Variants in MMEL1 observed in about 807,000 individuals in gnomAD.
MMEL1 encodes the protein membrane metallo-endopeptidase-like 1.
Under a neutral mutation model 117.1 loss-of-function variants are expected in MMEL1, and 98 were observed. The observed-to-expected ratio is 0.84, with a 90% CI of 0.71 to 0.99. The LOEUF (loss-of-function observed/expected upper bound fraction) is 0.99. Among genes scored for constraint, MMEL1 ranks in the 50% least tolerant of loss-of-function variants. The pLI is 0.00. For missense variants in MMEL1, 1,014 were observed against 1,049.1 expected (o/e 0.97, Z 0.46); for synonymous variants, 390 against 415.1 (o/e 0.94, Z 0.74).
chr1:2,629,701 C>T, intron 1 of MMEL1, 180 bp from the exon 2 acceptor site: 3 of 536,710 alleles, frequency 5.6e-6, no homozygotes, highest in Non-Finnish European at 9.5e-6. Context: ...TCCACACTAC[C>T]CCTGGGCCGG....
Position 2,592,917 on chromosome 1 carries a change from G to A in MMEL1, c.1917C>T (p.Phe639=). The A allele has an allele frequency of 1.2e-6, 2 of 1,613,794 alleles. No homozygotes were observed. The highest frequency in any genetic ancestry group is 1.7e-6 in the Non-Finnish European group (2 of 1,179,956). The change falls in exon 20 of 24, where the codon TTC becomes TTT. Residue 639 remains phenylalanine, a synonymous_variant. Coordinates refer to ENST00000378412, the MANE Select transcript of MMEL1 (RefSeq NM_033467.4). The part of the protein sequence containing the change: ...NGNMMDWWSN[F]STQHFREQSE... ...ACTGCTCCCGGAAGTGCTGGGTGGA[G>A]AAGTTACTCCACCAATCCATCATGT...
At chr1:2,606,628 C>T (rs1398091809) in intron 7 of MMEL1, among the ~76,000 whole-genome samples, 1 of 152,172 alleles carries the variant, frequency 6.6e-6, no homozygotes, top group Admixed American at 6.5e-5. Flanking sequence ...GCCACTCCTG[C>T]CCCCGGGGGA....
In MMEL1 at chr1:2,629,826, C is replaced by A. The variant is rs547885651; in HGVS notation, c.-37-305G>T. On this transcript the variant is annotated intron_variant, in intron 1 of 23. Transcript: ENST00000378412. Reference sequence around the variant, plus strand: ...AAGGGACTCCTGTAGTGGAGCCCCCCCCCTGGGCTGCTCATGCTGGTTGTC... The same window carrying A: ...AAGGGACTCCTGTAGTGGAGCCCCCACCCTGGGCTGCTCATGCTGGTTGTC... The A allele has an allele frequency of 6.5e-4, 145 of 224,308 alleles. No individual in the cohort carries two copies. In the South Asian group the frequency reaches 8.4e-3, roughly 13 times the overall value. 13.9% of individuals were successfully genotyped at this position (224,308 alleles called of 1,614,324 possible).
At chr1:2,604,742 T>A (rs1205447743) in intron 9 of MMEL1, among the ~76,000 whole-genome samples, 1 of 152,128 alleles carries the variant, frequency 6.6e-6, no homozygotes, top group Non-Finnish European at 1.5e-5. Flanking sequence ...AGTTTGCTCC[T>A]CAGGGAGCTG....
intron 21 of MMEL1, among the ~76,000 whole-genome samples, 190 bp from the exon 22 acceptor site, chr1:2,592,217 C>T (rs916490464): frequency 1.2e-5 from 1 of 81,934 alleles, no homozygotes; most frequent in East Asian, 3.1e-4. Context: ...CTGAGCTGGG[C>T]CCTCGGGGGG....
chr1:2,627,864 G>A (rs1638345087), intron 2 of MMEL1, among the ~76,000 whole-genome samples: 2 of 152,200 alleles, frequency 1.3e-5, no homozygotes, highest in South Asian at 4.1e-4. Context: ...CGCCCTGGAG[G>A]GAGGGGGTCC....
At chr1:2,594,682 C>T in intron 17 of MMEL1, 108 bp downstream of exon 17, 1 of 1,032,188 alleles carries the variant, frequency 9.7e-7, no homozygotes, top group Non-Finnish European at 1.5e-6. Context: ...TCAGCTGGCA[C>T]TGGACCCCAG....
At chr1:2,621,148 G>T (rs1645283536) in intron 2 of MMEL1, among the ~76,000 whole-genome samples, 1 of 152,214 alleles carries the variant, frequency 6.6e-6, no homozygotes, top group Admixed American at 6.5e-5. Flanking sequence ...AGCCAGGTGT[G>T]GTGGCATGTG....
At position 2,605,624 on chromosome 1, in the gene MMEL1, C is replaced by A. The variant is rs745770007; in HGVS notation, c.751-1G>T. The A allele has an allele frequency of 1.2e-6, 2 of 1,612,304 alleles. No individual in the cohort carries two copies. The highest frequency in any genetic ancestry group is 3.3e-5 in the Admixed American group (2 of 59,958). On this transcript the variant is annotated splice_acceptor_variant, in intron 8 of 23. Transcript: ENST00000378412. LOFTEE classifies it high-confidence loss of function. ...GCATGCCCAAGGTGGGCTGGTCTAT[C>A]TGGAAATACAGAAGGTGTGACCCTG...
At chr1:2,598,071 G>C in intron 13 of MMEL1, 136 bp downstream of exon 13, 1 of 759,718 alleles carries the variant, frequency 1.3e-6, no homozygotes, top group African/African-American at 1.7e-5. Context: ...CTCCCCACTG[G>C]GGTGGGCGCC....
Position 2,612,247 on chromosome 1 carries a change from G to C in MMEL1, c.155-43C>G. The stretch of plus-strand genomic sequence containing the variant: ...GCTCAGCTGCGGCCTCCTGCCTGCA[G>C]CTCCCTGGGGGTGCTGGGGGCCTCC... On this transcript the variant is annotated intron_variant, in intron 2 of 23. Transcript: ENST00000378412. This position sits in a 1 kb window ranked among gnomAD's most constrained non-coding sequence, Gnocchi z 5.4. The C allele has an allele frequency of 6.5e-7, 1 of 1,529,228 alleles. No individual in the cohort carries two copies. The highest frequency in any genetic ancestry group is 1.2e-5 in the South Asian group (1 of 83,796). The allele number at this position is 1,529,228 out of a possible 1,614,324, so 94.7% of individuals were successfully genotyped here.
chr1:2,607,391 C>T (rs1055631912), intron 6 of MMEL1, among the ~76,000 whole-genome samples: 1 of 150,550 alleles, frequency 6.6e-6, no homozygotes, highest in Non-Finnish European at 1.5e-5. Context: ...GGGAGCCGGC[C>T]AGCAGGCGAG....
rs1638660054 is a variant in MMEL1 at position 2,632,975 on chromosome 1, G to T, written c.-147C>A. The T allele has an allele frequency of 2.0e-6, 2 of 985,810 alleles. No individual in the cohort carries two copies. Among genetic ancestry groups the T allele is most frequent in the East Asian group, 1.1e-4 (1 of 8,916 alleles). The allele number at this position is 985,810 out of a possible 1,614,324, so 61.1% of individuals were successfully genotyped here. Reference sequence around the variant, plus strand: ...CCAAGTGGGTGGATTTCCAGGGACTGGGATGGGAGAGCAGTGGCTTGGGGC... The same window carrying T: ...CCAAGTGGGTGGATTTCCAGGGACTTGGATGGGAGAGCAGTGGCTTGGGGC... On this transcript the variant is annotated 5_prime_UTR_variant, in exon 1 of 24. Transcript: ENST00000378412.
In MMEL1 at chr1:2,604,224, C is replaced by T; in HGVS notation, c.874G>A (p.Ala292Thr). ...VSVATLLRED[A>T]NLPRDSCLVQ... ...AGGCAGCTGTCCCTGGGCAGGTTTG[C>T]ATCCTCCCGCAGCAACGTGGCCACT... Residue 292 changes from alanine to threonine, a missense_variant, in exon 10 of 24, where the codon GCA (alanine) becomes ACA (threonine). Coordinates refer to ENST00000378412, the MANE Select transcript of MMEL1 (RefSeq NM_033467.4). The T allele has an allele frequency of 1.9e-6, 3 of 1,611,242 alleles. No homozygotes were observed. The highest frequency in any genetic ancestry group is 2.5e-6 in the Non-Finnish European group (3 of 1,179,164).
At chr1:2,591,730 G>A (rs1381422334) in intron 22 of MMEL1, 97 bp from the exon 23 acceptor site, 9 of 1,159,936 alleles carry the variant, frequency 7.8e-6, no homozygotes, top group South Asian at 1.2e-5. Context: ...CCCCTTCTAG[G>A]GTGGGGTGAG....
intron 9 of MMEL1, among the ~76,000 whole-genome samples, chr1:2,604,575 G>C (rs191450315): frequency 6.6e-6 from 1 of 152,254 alleles, no homozygotes; most frequent in Non-Finnish European, 1.5e-5. Context: ...CAGTGCTGGG[G>C]TTGGGGTGCT....
At chr1:2,623,606 G>A (rs1005246286) in intron 2 of MMEL1, among the ~76,000 whole-genome samples, 1 of 152,184 alleles carries the variant, frequency 6.6e-6, no homozygotes, top group Non-Finnish European at 1.5e-5. Flanking sequence ...ATTCTTACAG[G>A]CCCAGTGTGG....
chr1:2,591,618 A>G lies in MMEL1; in HGVS notation c.2179T>C (p.Tyr727His), dbSNP rs767202414. Reference protein sequence around the residue: ...INYAQVWCGSYRPEFAIQSIK... With the variant: ...INYAQVWCGSHRPEFAIQSIK... Reference sequence around the variant, plus strand: ...GATTGGATGGCGAACTCGGGCCGGTAGGACCCGCACCACACCTGTGGGCAT... The same window carrying G: ...GATTGGATGGCGAACTCGGGCCGGTGGGACCCGCACCACACCTGTGGGCAT... The change falls in exon 23 of 24, where the codon TAC becomes CAC. Residue 727 changes from tyrosine (Y) to histidine (H), a missense_variant. Coordinates refer to ENST00000378412, the MANE Select transcript of MMEL1 (RefSeq NM_033467.4). The G allele has an allele frequency of 2.5e-6, 4 of 1,592,664 alleles. No individual in the cohort carries two copies. The South Asian group carries it at 4.4e-5, about 18-fold the overall frequency.
chr1:2,601,583 A>T (rs949867425), intron 11 of MMEL1, among the ~76,000 whole-genome samples: 2 of 152,360 alleles, frequency 1.3e-5, no homozygotes, highest in Middle Eastern at 3.4e-3. Flanking sequence ...TGGACCATTT[A>T]ATAGCCTCCA....
Sources: allele counts gnomAD v4.1 joint callset (sites outside exome capture counted in the v4.1 genomes callset), GRCh38; gene constraint gnomAD v4.1.1; non-coding constraint Gnocchi (gnomAD v3.1); transcripts MANE v1.5; gene names NCBI Gene and HGNC (gene_info 2026-07-23, HGNC 2026-07-21).